FBXL20: variants seen among roughly 807,000 people sequenced by gnomAD.
The protein encoded by FBXL20 is F-box/LRR-repeat protein 20.
A neutral mutation model predicts 64.0 loss-of-function variants in FBXL20; 11 were observed. The observed-to-expected ratio is 0.17, with a 90% CI of 0.11 to 0.28. The LOEUF is 0.28. FBXL20 is among the 10% of genes least tolerant of loss of function. The probability of loss-of-function intolerance (pLI) is 1.00; values close to 1 mark genes in which losing one functional copy is unlikely to be tolerated. For synonymous variants in FBXL20, 184 were observed against 189.0 expected (o/e 0.97, Z 0.22); for missense variants, 303 against 526.2 (o/e 0.58, Z 4.15).
chr17:39,365,722 T>C (rs1184524839), intron 1 of FBXL20, among the ~76,000 whole-genome samples: 2 of 152,216 alleles, frequency 1.3e-5, no homozygotes, highest in African/African-American at 4.8e-5. Context: ...AGCAACAGTC[T>C]AGGACCTGGA....
intron 9 of FBXL20, among the ~76,000 whole-genome samples, chr17:39,276,456 G>C (rs554788519): frequency 9.9e-5 from 15 of 151,822 alleles, no homozygotes; most frequent in Admixed American, 2.0e-4. Context: ...GGATCACGAG[G>C]TCAGGAGTTG....
At chr17:39,402,164 GTCAC>G (rs1054343271), upstream of FBXL20, 4 of 1,232,712 alleles carry the variant, frequency 3.2e-6, no homozygotes, top group Non-Finnish European at 4.0e-6. Context: ...CCCTTCCCCT[GTCAC>G]TCACTGTCGC....
At chr17:39,398,926 G>A (rs2048213911) in intron 1 of FBXL20, among the ~76,000 whole-genome samples, 1 of 152,028 alleles carries the variant, frequency 6.6e-6, no homozygotes. Flanking sequence ...ACCCACCTCG[G>A]CCTCCCAAAG....
chr17:39,394,719 C>T (rs1176776783), intron 1 of FBXL20, among the ~76,000 whole-genome samples: 4 of 151,778 alleles, frequency 2.6e-5, no homozygotes, highest in Admixed American at 1.3e-4. Context: ...CACTACTACA[C>T]GTCTAATTTT....
chr17:39,393,246 G>A (rs1030530894), intron 1 of FBXL20, among the ~76,000 whole-genome samples: 1 of 151,788 alleles, frequency 6.6e-6, no homozygotes, highest in African/African-American at 2.4e-5. Context: ...CTCAGATCGC[G>A]CCATTGCACT....
At chr17:39,380,573 C>G (rs559355052) in intron 1 of FBXL20, among the ~76,000 whole-genome samples, 36 of 152,302 alleles carry the variant, frequency 2.4e-4, no homozygotes, top group Admixed American at 2.2e-3. Context: ...TTACCATTCT[C>G]TATAAAATGT....
At chr17:39,263,952 C>A (rs1409617315) in intron 14 of FBXL20, 1 of 484,702 alleles carries the variant, frequency 2.1e-6, no homozygotes, top group Non-Finnish European at 3.7e-6. Context: ...TGGGAGGAGA[C>A]CTACTTTTCT....
chr17:39,402,336 G>T (rs2048257367), upstream of FBXL20: 1 of 673,302 alleles, frequency 1.5e-6, no homozygotes, highest in Non-Finnish European at 2.1e-6. Context: ...TACATTACGG[G>T]GTGCTGCAGG....
intron 2 of FBXL20, among the ~76,000 whole-genome samples, chr17:39,321,744 C>T (rs1229177524): frequency 1.3e-5 from 2 of 148,630 alleles, no homozygotes; most frequent in Non-Finnish European, 3.0e-5. Flanking sequence ...TGGGCCATTG[C>T]ACTCCAGCCT....
At chr17:39,299,229 G>T in intron 4 of FBXL20, 145 bp from the exon 5 acceptor site, 1 of 613,626 alleles carries the variant, frequency 1.6e-6, no homozygotes. Flanking sequence ...CTTACCCTGA[G>T]AAAGCTTTCC....
intron 1 of FBXL20, among the ~76,000 whole-genome samples, chr17:39,383,945 ATT>A (rs1308575220): frequency 2.0e-5 from 3 of 151,902 alleles, no homozygotes; most frequent in Non-Finnish European, 4.4e-5. Context: ...TATACATAAA[ATT>A]TACAGGCCAG....
chr17:39,264,122 G>A, intron 14 of FBXL20, 53 bp downstream of exon 14: 1 of 1,539,020 alleles, frequency 6.5e-7, no homozygotes, highest in East Asian at 2.3e-5. Flanking sequence ...AAAAAAAAGA[G>A]AGAAGAAAGT....
At chr17:39,317,484 C>T (rs924239665) in intron 2 of FBXL20, among the ~76,000 whole-genome samples, 4 of 152,164 alleles carry the variant, frequency 2.6e-5, no homozygotes, top group Admixed American at 2.6e-4. Context: ...ACCGTCTCTG[C>T]CTCCCAAAGT....
Position 39,343,215 on chromosome 17 carries a change from T to G in FBXL20, c.69A>C (p.Val23=). 1 of 1,604,474 alleles carries G rather than the reference T, an allele frequency of 6.2e-7. No individual in the cohort carries two copies. The highest frequency in any genetic ancestry group is 1.1e-5 in the South Asian group (1 of 88,014). Residue 23 remains valine (V), a synonymous_variant, in exon 2 of 15, where the codon GTA becomes GTC. Coordinates refer to ENST00000264658, the MANE Select transcript of FBXL20 (RefSeq NM_032875.3). The part of the protein sequence containing the change: ...FEMFSNSDEA[V]INKKLPKELL... ...GTTCTTTGGGAAGTTTTTTATTGAT[T>G]ACAGCTTCATCACTATTTGAGAACA... is the stretch of plus-strand genomic sequence containing the variant.
At chr17:39,345,439 G>T (rs1194776490) in intron 1 of FBXL20, among the ~76,000 whole-genome samples, 1 of 152,070 alleles carries the variant, frequency 6.6e-6, no homozygotes, top group Non-Finnish European at 1.5e-5. Context: ...TGAAGATCCT[G>T]GTATCTCATG....
At chr17:39,345,891 T>C (rs901971406) in intron 1 of FBXL20, among the ~76,000 whole-genome samples, 3 of 152,276 alleles carry the variant, frequency 2.0e-5, no homozygotes, top group African/African-American at 7.2e-5. Flanking sequence ...TGGAAAGCCC[T>C]GTGAGGGCAG....
At chr17:39,341,247 C>G (rs568067947) in intron 2 of FBXL20, among the ~76,000 whole-genome samples, 1 of 152,034 alleles carries the variant, frequency 6.6e-6, no homozygotes, top group Non-Finnish European at 1.5e-5. Flanking sequence ...AATTCAAGTT[C>G]ATTTTCCCAT....
chr17:39,399,604 C>G (rs1207451180), intron 1 of FBXL20, among the ~76,000 whole-genome samples: 2 of 152,104 alleles, frequency 1.3e-5, no homozygotes, highest in East Asian at 1.9e-4. Context: ...TGAAACCGTC[C>G]AAGAAGGACT....
At chr17:39,297,558 A>G (rs72825107) in intron 5 of FBXL20, 1,788 of 162,884 alleles carry the variant, frequency 0.011, 17 homozygotes, top group Non-Finnish European at 0.017. Flanking sequence ...GATAGGGATC[A>G]GAGAGCTTCT....
Sources: gnomAD v4.1 joint callset for allele counts (sites outside exome capture counted in the v4.1 genomes callset) on GRCh38, gnomAD v4.1.1 for gene constraint, MANE v1.5 for transcripts, NCBI Gene and HGNC (gene_info 2026-07-23, HGNC 2026-07-21) for gene names.